The following PKIA variants were observed in gnomAD, a reference collection of about 807,000 sequenced individuals.
PKIA encodes cAMP-dependent protein kinase inhibitor alpha, also known as PKI-alpha.
In PKIA, 4 loss-of-function variants were observed where a neutral mutation model predicts 7.6. The observed-to-expected ratio is 0.52, with a 90% CI of 0.26 to 1.20. PKIA has a LOEUF of 1.20. Ranked by LOEUF, PKIA falls within the 50% of genes most tolerant of loss-of-function variation. PKIA has a pLI of 0.13. For missense variants in PKIA, 73 were observed against 86.2 expected (o/e 0.85, Z 0.61); for synonymous variants, 21 against 30.7 (o/e 0.68, Z 1.04).
At chr8:78,600,874 T>G (rs1002370007) in intron 3 of PKIA, among the ~76,000 whole-genome samples, 3 of 152,064 alleles carry the variant, frequency 2.0e-5, no homozygotes, top group Non-Finnish European at 4.4e-5. Context: ...CCAACTTACC[T>G]GCTTTTATTT....
intron 2 of PKIA, among the ~76,000 whole-genome samples, chr8:78,576,054 G>A (rs534527288): frequency 1.3e-5 from 2 of 151,964 alleles, no homozygotes; most frequent in East Asian, 3.9e-4. Flanking sequence ...TTCTTATAAG[G>A]AATCCAGTCA....
At chr8:78,560,616 G>A (rs991895015) in intron 1 of PKIA, among the ~76,000 whole-genome samples, 3 of 152,124 alleles carry the variant, frequency 2.0e-5, no homozygotes, top group Non-Finnish European at 4.4e-5. Context: ...ATACTTTGGG[G>A]AAGCAGATGG....
intron 2 of PKIA, among the ~76,000 whole-genome samples, chr8:78,573,584 A>T (rs550246183): frequency 7.9e-5 from 12 of 152,136 alleles, no homozygotes; most frequent in African/African-American, 2.6e-4. Flanking sequence ...GAAAGAAAAG[A>T]AAAAAACAGC....
intron 1 of PKIA, among the ~76,000 whole-genome samples, chr8:78,525,623 A>C (rs1809527060): frequency 6.6e-6 from 1 of 152,056 alleles, no homozygotes; most frequent in Admixed American, 6.6e-5. Flanking sequence ...TTACGGTGTT[A>C]TGAAAGCAAA....
chr8:78,601,541 A>G (rs1808347887), intron 3 of PKIA, among the ~76,000 whole-genome samples: 1 of 152,040 alleles, frequency 6.6e-6, no homozygotes, highest in Non-Finnish European at 1.5e-5. Context: ...TGCTGTCCCA[A>G]GTTCACAGAA....
At chr8:78,555,592 T>C (rs1041289560) in intron 1 of PKIA, among the ~76,000 whole-genome samples, 1 of 151,968 alleles carries the variant, frequency 6.6e-6, no homozygotes, top group Non-Finnish European at 1.5e-5. Flanking sequence ...ACAATGTAGG[T>C]CTATTGAAGA....
intron 1 of PKIA, among the ~76,000 whole-genome samples, chr8:78,542,831 T>C (rs1440403392): frequency 6.6e-6 from 1 of 152,162 alleles, no homozygotes; most frequent in Non-Finnish European, 1.5e-5. Context: ...ATTTCAACTT[T>C]TACAAAAGTG....
intron 1 of PKIA, among the ~76,000 whole-genome samples, chr8:78,520,404 T>C (rs897548329): frequency 2.6e-5 from 4 of 152,214 alleles, no homozygotes; most frequent in Admixed American, 1.3e-4. Context: ...TATTATTGCA[T>C]TGAAGGCACC....
intron 1 of PKIA, among the ~76,000 whole-genome samples, chr8:78,531,949 T>G (rs1309514064): frequency 6.6e-6 from 1 of 152,154 alleles, no homozygotes; most frequent in Non-Finnish European, 1.5e-5. Context: ...CAGATGGAGA[T>G]AGCAAGTGAA....
At chr8:78,575,796 T>C (rs1423864808) in intron 2 of PKIA, among the ~76,000 whole-genome samples, 3 of 152,062 alleles carry the variant, frequency 2.0e-5, no homozygotes, top group Non-Finnish European at 4.4e-5. Flanking sequence ...TCAGCCAATC[T>C]AGTTAGTATA....
intron 1 of PKIA, among the ~76,000 whole-genome samples, chr8:78,540,988 A>G (rs1159780279): frequency 1.3e-5 from 2 of 152,056 alleles, no homozygotes; most frequent in Non-Finnish European, 2.9e-5. Context: ...TTTTTAATTG[A>G]CAAAATTATA....
At chr8:78,547,038 A>T (rs977064775) in intron 1 of PKIA, among the ~76,000 whole-genome samples, 1 of 152,212 alleles carries the variant, frequency 6.6e-6, no homozygotes, top group East Asian at 1.9e-4. Context: ...CATACAGTTA[A>T]TCATCACAAA....
chr8:78,565,926 A>AC (rs1807401202), intron 1 of PKIA, among the ~76,000 whole-genome samples: 1 of 151,946 alleles, frequency 6.6e-6, no homozygotes. Flanking sequence ...AAACCCCAAA[A>AC]CCAACAGATC....
chr8:78,531,693 C>T (rs1806388347), intron 1 of PKIA, among the ~76,000 whole-genome samples: 1 of 152,044 alleles, frequency 6.6e-6, no homozygotes, highest in Non-Finnish European at 1.5e-5. Context: ...TGTTTTGAGA[C>T]TCCACACTCC....
chr8:78,536,267 C>T (rs994052534), intron 1 of PKIA, among the ~76,000 whole-genome samples: 2 of 151,994 alleles, frequency 1.3e-5, no homozygotes, highest in South Asian at 2.1e-4. Flanking sequence ...CTGTTCCTTA[C>T]CCAACATTAG....
chr8:78,549,282 T>C (rs929668933), intron 1 of PKIA, among the ~76,000 whole-genome samples: 1 of 151,926 alleles, frequency 6.6e-6, no homozygotes, highest in South Asian at 2.1e-4. Context: ...ATGTATATAA[T>C]GTAAGTTACT....
At chr8:78,553,296 C>T (rs938980843) in intron 1 of PKIA, among the ~76,000 whole-genome samples, 5 of 151,822 alleles carry the variant, frequency 3.3e-5, no homozygotes, top group Admixed American at 6.6e-5. Flanking sequence ...ACTCAGGGTC[C>T]CGTCTGTGGA....
At chr8:78,598,615 G>A (rs1808282998) in intron 3 of PKIA, 80 bp downstream of exon 3, 1 of 1,127,530 alleles carries the variant, frequency 8.9e-7, no homozygotes, top group Non-Finnish European at 1.3e-6. Context: ...GGCACGAAAA[G>A]CCATCTTTGA....
At chr8:78,562,078 A>G (rs925712411) in intron 1 of PKIA, among the ~76,000 whole-genome samples, 5 of 152,296 alleles carry the variant, frequency 3.3e-5, no homozygotes, top group Middle Eastern at 3.4e-3. Context: ...CTTTTTCTAC[A>G]TAAAACCTCT....
Sources: allele counts gnomAD v4.1 joint callset (sites outside exome capture counted in the v4.1 genomes callset), GRCh38; gene constraint gnomAD v4.1.1; transcripts MANE v1.5; gene names NCBI Gene and HGNC (gene_info 2026-07-23, HGNC 2026-07-21).